Variants in DTD1 observed in about 807,000 individuals in gnomAD.
DTD1 encodes the protein D-tyrosyl-tRNA deacylase 1 homolog.
DTD1 carries 13 observed loss-of-function variants against 25.6 expected under a neutral mutation model. The observed-to-expected ratio is 0.51, with a 90% CI of 0.33 to 0.81. The LOEUF (loss-of-function observed/expected upper bound fraction) is 0.81. DTD1 is among the 30% of genes least tolerant of loss of function. The probability of loss-of-function intolerance (pLI) is 0.02; values close to 1 mark genes in which losing one functional copy is unlikely to be tolerated. For synonymous variants in DTD1, 110 were observed against 103.6 expected (o/e 1.06, Z -0.37); for missense variants, 193 against 266.4 (o/e 0.72, Z 1.92).
rs2061136114 is a variant in DTD1 at position 18,708,218 on chromosome 20, AATATATATATATT to A, written c.478-35881_478-35869del. 2.1e-3 allele frequency among the ~76,000 whole-genome samples: 12 copies of A among 5,650 alleles called. 1 individual carries two copies. The highest frequency in any genetic ancestry group is 3.2e-3 in the Admixed American group (1 of 312). The allele number at this position is 5,650 out of a possible 152,430, so 3.7% of individuals were successfully genotyped here. A position where few individuals can be genotyped will look rare whatever the true frequency, so the allele number is the denominator to read the frequency against. On this transcript the variant is annotated intron_variant, in intron 4 of 5. Coordinates refer to ENST00000377452, the MANE Select transcript of DTD1 (RefSeq NM_080820.6). ...TATTATATATATATTTTATATATAT[AATATATATATATT>A]TTATATATATATAATATATATTATA...
intron 4 of DTD1, among the ~76,000 whole-genome samples, chr20:18,653,292 G>A (rs2060880558): frequency 6.6e-6 from 1 of 152,124 alleles, no homozygotes; most frequent in South Asian, 2.1e-4. Context: ...TGCTTGGGAG[G>A]CTGCAGTGGG....
rs2061312757 is a variant in DTD1, at chr20:18,749,271, C to A, written c.*19+5000C>A. Among the ~76,000 whole-genome samples, 1 of 152,114 alleles carries A rather than the reference C, an allele frequency of 6.6e-6. No homozygotes were observed. The highest frequency in any genetic ancestry group is 1.5e-5 in the Non-Finnish European group (1 of 68,016). On this transcript the variant is annotated intron_variant, in intron 5 of 5. Coordinates refer to ENST00000377452, the MANE Select transcript of DTD1 (RefSeq NM_080820.6). The surrounding 1 kb of genome is among the most constrained non-coding windows in gnomAD (Gnocchi z 4.2). ...CAGGGCTCCAGGAGGCAGCTGCAGC[C>A]CAGTGAGGTAGCAAGACACGGTCAG...
At chr20:18,708,228 T>G in intron 4 of DTD1, among the ~76,000 whole-genome samples, 2 of 5,128 alleles carry the variant, frequency 3.9e-4, no homozygotes, top group Non-Finnish European at 9.7e-4. Flanking sequence ...AATATATATA[T>G]ATTTTATATA....
chr20:18,699,274 G>A (rs548073101), intron 4 of DTD1, among the ~76,000 whole-genome samples: 2 of 152,328 alleles, frequency 1.3e-5, no homozygotes, highest in South Asian at 2.1e-4. Context: ...TGAGGCAGCG[G>A]TGTTCTTTTC....
At chr20:18,656,594 G>A (rs555628183) in intron 4 of DTD1, among the ~76,000 whole-genome samples, 1 of 152,320 alleles carries the variant, frequency 6.6e-6, no homozygotes, top group East Asian at 1.9e-4. Context: ...TGCTGGGGGA[G>A]CACTATGTCT....
At chr20:18,714,598 T>C (rs1361138132) in intron 4 of DTD1, among the ~76,000 whole-genome samples, 2 of 152,188 alleles carry the variant, frequency 1.3e-5, no homozygotes, top group East Asian at 3.9e-4. Context: ...GGTGGTGGAA[T>C]TGACAGACAC....
chr20:18,705,283 T>C (rs147730763), intron 4 of DTD1, among the ~76,000 whole-genome samples: 30 of 152,284 alleles, frequency 2.0e-4, no homozygotes, highest in African/African-American at 6.7e-4. Context: ...ATTGGTAATT[T>C]TGAAATTTTA....
At chr20:18,722,116 C>T (rs1041658841) in intron 4 of DTD1, among the ~76,000 whole-genome samples, 1 of 152,232 alleles carries the variant, frequency 6.6e-6, no homozygotes, top group Admixed American at 6.5e-5. Flanking sequence ...TTTCGTGGCT[C>T]CTTGAGTGCA....
At chr20:18,695,344 A>G (rs2061067331) in intron 4 of DTD1, among the ~76,000 whole-genome samples, 1 of 144,280 alleles carries the variant, frequency 6.9e-6, no homozygotes, top group Non-Finnish European at 1.5e-5. Context: ...TAAAACCAGG[A>G]GAAAGCAATG....
At chr20:18,712,605 C>CA (rs1188863990) in intron 4 of DTD1, among the ~76,000 whole-genome samples, 1 of 152,014 alleles carries the variant, frequency 6.6e-6, no homozygotes, top group Non-Finnish European at 1.5e-5. Context: ...AGACACATGC[C>CA]ATAAATTAAG....
At chr20:18,732,597 T>C (rs62217055) in intron 4 of DTD1, among the ~76,000 whole-genome samples, 52,860 of 152,028 alleles carry the variant, frequency 0.35, 9,520 homozygotes, top group Non-Finnish European at 0.4. Flanking sequence ...AAACCCAGGA[T>C]ATAGGTGTGG....
intron 3 of DTD1, among the ~76,000 whole-genome samples, chr20:18,615,817 C>T (rs985709973): frequency 5.9e-5 from 9 of 152,158 alleles, no homozygotes; most frequent in Admixed American, 2.6e-4. Flanking sequence ...AGTTTATGAC[C>T]GCTTCTGCTC....
chr20:18,738,193 G>A (rs539984810), intron 4 of DTD1, among the ~76,000 whole-genome samples: 1 of 152,328 alleles, frequency 6.6e-6, no homozygotes, highest in East Asian at 1.9e-4. Context: ...AAGCAAGAGA[G>A]GTCATGTGGC....
intron 4 of DTD1, among the ~76,000 whole-genome samples, chr20:18,680,085 T>C (rs542176635): frequency 9.8e-5 from 15 of 152,322 alleles, no homozygotes; most frequent in Non-Finnish European, 2.2e-4. Flanking sequence ...TTGTTTATGC[T>C]GGGGAGGGGA....
chr20:18,715,864 C>T (rs1057310835), intron 4 of DTD1, among the ~76,000 whole-genome samples: 3 of 152,102 alleles, frequency 2.0e-5, no homozygotes, highest in African/African-American at 4.8e-5. Context: ...CGGGAGGAGT[C>T]GGGTGCTGAG....
intron 3 of DTD1, among the ~76,000 whole-genome samples, chr20:18,623,001 G>A (rs962565842): frequency 2.7e-5 from 4 of 147,574 alleles, no homozygotes; most frequent in Non-Finnish European, 4.4e-5. Flanking sequence ...GTGCAGTGGC[G>A]CGATCTCGGC....
intron 4 of DTD1, among the ~76,000 whole-genome samples, chr20:18,707,767 A>G (rs1375713831): frequency 1.3e-5 from 2 of 152,040 alleles, no homozygotes; most frequent in African/African-American, 2.4e-5. Flanking sequence ...GCGCACACAC[A>G]CACACTCACA....
chr20:18,608,063 T>C (rs2060669271), intron 3 of DTD1, among the ~76,000 whole-genome samples: 1 of 151,976 alleles, frequency 6.6e-6, no homozygotes, highest in Non-Finnish European at 1.5e-5. Context: ...TTTCAAGAAA[T>C]TGGTCTTTTC....
At chr20:18,740,206 C>A (rs554780585) in intron 4 of DTD1, among the ~76,000 whole-genome samples, 24 of 151,870 alleles carry the variant, frequency 1.6e-4, no homozygotes, top group Admixed American at 5.9e-4. Flanking sequence ...TAAAAGAGTA[C>A]AAAGTGAAGA....
Sources: allele counts gnomAD v4.1 joint callset (sites outside exome capture counted in the v4.1 genomes callset), GRCh38; gene constraint gnomAD v4.1.1; non-coding constraint Gnocchi (gnomAD v3.1); transcripts MANE v1.5; gene names NCBI Gene and HGNC (gene_info 2026-07-23, HGNC 2026-07-21).